Variants in FSTL5 observed in about 807,000 individuals in gnomAD.
FSTL5 encodes the protein follistatin like 5.
FSTL5 carries 62 observed loss-of-function variants against 89.1 expected under a neutral mutation model. The observed-to-expected ratio is 0.70, with a 90% CI of 0.57 to 0.86. The LOEUF (loss-of-function observed/expected upper bound fraction) is 0.86, where lower values mean the gene tolerates loss of function less well. Among genes scored for constraint, FSTL5 ranks in the 40% least tolerant of loss-of-function variants. The pLI is 0.00. For synonymous variants in FSTL5, 383 were observed against 346.2 expected (o/e 1.11, Z -1.18); for missense variants, 1,057 against 1,001.6 (o/e 1.06, Z -0.75).
At chr4:161,821,529 T>C (rs1051295540) in intron 4 of FSTL5, among the ~76,000 whole-genome samples, 1 of 152,182 alleles carries the variant, frequency 6.6e-6, no homozygotes, top group Non-Finnish European at 1.5e-5. Context: ...CCAAGCAGTA[T>C]ACACTGTAAC....
rs186240873 is a variant in FSTL5 at position 161,664,251 on chromosome 4, C to T, written c.728-7757G>A. ...TTGAATTTCTCCCCAGAAAATGGAT[C>T]TTTCTTTTCTATCGCATAGTCAGGC... is the stretch of plus-strand genomic sequence containing the variant. On this transcript the variant is annotated intron_variant, in intron 6 of 15. Coordinates refer to ENST00000306100, the MANE Select transcript of FSTL5 (RefSeq NM_020116.5). 6.0e-3 allele frequency among the ~76,000 whole-genome samples: 919 copies of T among 152,300 alleles called. 9 individuals carry two copies. Among genetic ancestry groups the T allele is most frequent in the South Asian group, 0.046 (220 of 4,834 alleles).
At chr4:161,822,678 C>A (rs1339265949) in intron 4 of FSTL5, among the ~76,000 whole-genome samples, 3 of 152,198 alleles carry the variant, frequency 2.0e-5, no homozygotes, top group African/African-American at 7.2e-5. Context: ...TATCTTCTCT[C>A]ATTGTCACCC....
At chr4:161,625,198 T>C (rs909099859) in intron 7 of FSTL5, among the ~76,000 whole-genome samples, 67 of 152,136 alleles carry the variant, frequency 4.4e-4, no homozygotes, top group African/African-American at 1.6e-3. Flanking sequence ...ATATCAGTAT[T>C]TCACAGTACA....
chr4:162,059,691 G>T (rs1450333232), intron 2 of FSTL5, among the ~76,000 whole-genome samples: 1 of 152,042 alleles, frequency 6.6e-6, no homozygotes, highest in African/African-American at 2.4e-5. Flanking sequence ...GTTAATAATA[G>T]TCTATAAATA....
rs183624094 is a variant in FSTL5 at position 161,660,062 on chromosome 4, A to C, written c.728-3568T>G. ...TACCGAGTGTTTTGACACACTTCAA[A>C]AATTCTTTCATCTGTAAACTTTGCC... is the stretch of plus-strand genomic sequence containing the variant. On this transcript the variant is annotated intron_variant, in intron 6 of 15. Coordinates refer to ENST00000306100, the MANE Select transcript of FSTL5 (RefSeq NM_020116.5). Among the ~76,000 whole-genome samples, 919 of 152,288 alleles carry C rather than the reference A, an allele frequency of 6.0e-3. 9 individuals carry two copies. Among genetic ancestry groups the C allele is most frequent in the South Asian group, 0.046 (220 of 4,830 alleles).
chr4:162,127,244 A>G (rs1241951932), intron 1 of FSTL5, among the ~76,000 whole-genome samples: 1 of 151,534 alleles, frequency 6.6e-6, no homozygotes, highest in Admixed American at 6.6e-5. Flanking sequence ...TGCCTCGTAC[A>G]CCCCCACAAA....
intron 12 of FSTL5, among the ~76,000 whole-genome samples, chr4:161,485,616 G>A (rs938969857): frequency 1.3e-5 from 2 of 152,066 alleles, no homozygotes; most frequent in Non-Finnish European, 1.5e-5. Flanking sequence ...ACGTGAACAC[G>A]AAGAAAGTGA....
intron 7 of FSTL5, among the ~76,000 whole-genome samples, chr4:161,637,680 A>C (rs1355618062): frequency 8.6e-6 from 1 of 115,654 alleles, no homozygotes; most frequent in Admixed American, 9.1e-5. Context: ...CTTTCTACAT[A>C]TGGCTAGCCA....
At chr4:161,496,528 T>A (rs1166335177) in intron 12 of FSTL5, among the ~76,000 whole-genome samples, 1 of 152,142 alleles carries the variant, frequency 6.6e-6, no homozygotes, top group Non-Finnish European at 1.5e-5. Flanking sequence ...CCTTAAGACT[T>A]CAACATAGAA....
At chr4:162,005,729 T>C (rs1736596636) in intron 3 of FSTL5, among the ~76,000 whole-genome samples, 1 of 152,164 alleles carries the variant, frequency 6.6e-6, no homozygotes, top group Non-Finnish European at 1.5e-5. Flanking sequence ...AGCATAATTC[T>C]GACCCCTTTC....
intron 3 of FSTL5, among the ~76,000 whole-genome samples, chr4:161,999,012 T>A (rs1435635758): frequency 1.3e-5 from 2 of 152,160 alleles, no homozygotes; most frequent in South Asian, 4.1e-4. Flanking sequence ...GAGGGTCTAA[T>A]AAGGCTTGTC....
chr4:162,136,568 A>G (rs1290021258), intron 1 of FSTL5, among the ~76,000 whole-genome samples: 1 of 152,054 alleles, frequency 6.6e-6, no homozygotes, highest in Non-Finnish European at 1.5e-5. Flanking sequence ...CAGTGGATCA[A>G]TGAGCCCAAA....
intron 2 of FSTL5, among the ~76,000 whole-genome samples, chr4:162,065,469 AATC>A (rs1331330654): frequency 2.0e-5 from 3 of 152,010 alleles, no homozygotes; most frequent in Non-Finnish European, 4.4e-5. Context: ...CAACATCACT[AATC>A]ATCAGATAAA....
intron 10 of FSTL5, among the ~76,000 whole-genome samples, chr4:161,518,480 G>A (rs4434196): frequency 0.19 from 28,567 of 152,028 alleles, 2,930 homozygotes; most frequent in East Asian, 0.37. Context: ...AAGAAAAGTC[G>A]GAAGTTGTCT....
intron 6 of FSTL5, among the ~76,000 whole-genome samples, chr4:161,721,063 G>C (rs975014564): frequency 1.3e-5 from 2 of 151,824 alleles, no homozygotes; most frequent in Non-Finnish European, 1.5e-5. Context: ...TGGATCATGA[G>C]GTCAGGAGAT....
intron 7 of FSTL5, among the ~76,000 whole-genome samples, chr4:161,628,391 T>C (rs1735383944): frequency 6.6e-6 from 1 of 152,114 alleles, no homozygotes; most frequent in Non-Finnish European, 1.5e-5. Context: ...CTAAAGGTCT[T>C]AGATGGATAT....
Position 162,154,228 on chromosome 4 carries a change from G to A in FSTL5, c.-17+9387C>T, listed in dbSNP as rs943192446. 3.9e-5 allele frequency among the ~76,000 whole-genome samples: 6 copies of A among 152,104 alleles called. No individual in the cohort carries two copies. In the Middle Eastern group the frequency reaches 0.014, roughly 345 times the overall value. ...TTGTCAAAATAAAATTGTTTTAATT[G>A]TATATAAAAGATGCAAGTGCAATGG... On this transcript the variant is annotated intron_variant, in intron 1 of 15. Coordinates refer to ENST00000306100, the MANE Select transcript of FSTL5 (RefSeq NM_020116.5).
chr4:161,532,120 G>A (rs11724835), intron 10 of FSTL5, among the ~76,000 whole-genome samples: 23,711 of 151,462 alleles, frequency 0.16, 2,451 homozygotes, highest in Non-Finnish European at 0.23. Context: ...CAGGAGAATG[G>A]CATGAACCCG....
At chr4:162,153,740 ATAATAATATACATGTATAT>A (rs1733345955) in intron 1 of FSTL5, among the ~76,000 whole-genome samples, 2 of 55,070 alleles carry the variant, frequency 3.6e-5, no homozygotes, top group Admixed American at 5.0e-4. Flanking sequence ...ATATATGTAT[ATAATAATATACATGTATAT>A]ATACATGTAT....
Sources: gnomAD v4.1 joint callset for allele counts (sites outside exome capture counted in the v4.1 genomes callset) on GRCh38, gnomAD v4.1.1 for gene constraint, MANE v1.5 for transcripts, NCBI Gene and HGNC (gene_info 2026-07-23, HGNC 2026-07-21) for gene names.